Variants in FCRL3 observed in about 807,000 individuals in gnomAD.
FCRL3 encodes the protein Fc receptor like 3.
In FCRL3, 89 loss-of-function variants were observed where a neutral mutation model predicts 75.0. That is an observed-to-expected ratio of 1.19 (90% CI 1.00 to 1.42). The LOEUF is 1.42. Ranked by LOEUF, FCRL3 falls within the 40% of genes most tolerant of loss-of-function variation. The pLI, the probability that FCRL3 is intolerant of heterozygous loss-of-function variation, is 0.00. For missense variants in FCRL3, 946 were observed against 880.0 expected, an observed-to-expected ratio of 1.07 and a Z score of -0.95; for synonymous variants, 376 against 348.5, an observed-to-expected ratio of 1.08 and a Z score of -0.88.
In FCRL3 at chr1:157,700,485, A is replaced by C; in HGVS notation, c.5T>G (p.Leu2Arg). M[L>R]LWLLLLILTP... ...CAGGATCAGCAGCAGCAGCCACAGA[A>C]GCATGGGCACCGGCCGGGCAGAGGG... Residue 2 changes from leucine to arginine, a missense_variant, in exon 2 of 15, where the codon CTT (leucine) becomes CGT (arginine). Physicochemically the swap from Leu to Arg is moderately radical, Grantham distance 102 (BLOSUM62 -2). Coordinates refer to ENST00000368184, the MANE Select transcript of FCRL3 (RefSeq NM_052939.4). The C allele has an allele frequency of 1.2e-6, 2 of 1,614,076 alleles. No homozygotes were observed. The highest frequency in any genetic ancestry group is 2.2e-5 in the South Asian group (2 of 91,072).
chr1:157,685,488 G>A (rs1328627807), intron 10 of FCRL3, among the ~76,000 whole-genome samples: 1 of 152,092 alleles, frequency 6.6e-6, no homozygotes, highest in Non-Finnish European at 1.5e-5. Context: ...AATAGTGGGA[G>A]ATTTCAATAT....
chr1:157,680,479 A>G (rs1395133023), intron 13 of FCRL3, among the ~76,000 whole-genome samples: 1 of 152,268 alleles, frequency 6.6e-6, no homozygotes, highest in Non-Finnish European at 1.5e-5. Context: ...CTGTGAATAC[A>G]TTAGTGAAAA....
chr1:157,697,318 G>C lies in FCRL3; in HGVS notation c.666C>G (p.Val222=), dbSNP rs757788314. 4 of 1,612,654 alleles carry C rather than the reference G, an allele frequency of 2.5e-6. 1 individual carries two copies. Among genetic ancestry groups the C allele is most frequent in the Non-Finnish European group, 3.4e-6 (4 of 1,179,146 alleles). ...ETQLSPQRPD[V]QLQFSLFRDS... is the part of the protein sequence containing the mutation. ...CTCTGAAGAGGGAGAATTGCAGCTG[G>C]ACATCTGGCCTCTGTGGAGAGAGCT... The change falls in exon 6 of 15, where the codon GTC becomes GTG. Residue 222 remains valine, a synonymous_variant. Coordinates refer to ENST00000368184, the MANE Select transcript of FCRL3 (RefSeq NM_052939.4).
In FCRL3 at chr1:157,697,223, T is replaced by C; in HGVS notation, c.761A>G (p.Asp254Gly). 3 of 1,595,394 alleles carry C rather than the reference T, an allele frequency of 1.9e-6. No individual in the cohort carries two copies. The highest frequency in any genetic ancestry group is 2.6e-6 in the Non-Finnish European group (3 of 1,170,204). ...RLQIPAMWTE[D>G]SGSYWCEVET... is the part of the protein sequence containing the mutation. ...CACCTCACACCAGTAAGACCCTGAGTCTTCAGTCCACATGGCAGGGATCTG... is the reference window on the plus strand; with the variant it reads ...CACCTCACACCAGTAAGACCCTGAGCCTTCAGTCCACATGGCAGGGATCTG... The change falls in exon 6 of 15, where the codon GAC becomes GGC. Residue 254 changes from aspartate to glycine, a missense_variant. Physicochemically the swap from Asp to Gly is moderately conservative, Grantham distance 94. Transcript: ENST00000368184.
rs1163767593 is a variant in FCRL3 at position 157,681,069 on chromosome 1, G to A, written c.1869C>T (p.Ser623=). 1.9e-6 allele frequency: 3 copies of A among 1,601,148 alleles called. No homozygotes were observed. The highest frequency in any genetic ancestry group is 2.6e-6 in the Non-Finnish European group (3 of 1,175,968). The part of the protein sequence containing the change: ...SHSPSECQEP[S]SSRPSRIDPQ... Reference sequence around the variant, plus strand: ...GGTCTATCCTGGAAGGCCTGGACGAGGAAGGCTCCTGACACTCACTAGGAC... The same window carrying A: ...GGTCTATCCTGGAAGGCCTGGACGAAGAAGGCTCCTGACACTCACTAGGAC... Residue 623 remains serine (S), a synonymous_variant, in exon 12 of 15, where the codon TCC becomes TCT. Coordinates refer to ENST00000368184, the MANE Select transcript of FCRL3 (RefSeq NM_052939.4).
At chr1:157,683,755 A>G (rs1654995830) in intron 10 of FCRL3, among the ~76,000 whole-genome samples, 1 of 152,100 alleles carries the variant, frequency 6.6e-6, no homozygotes, top group African/African-American at 2.4e-5. Flanking sequence ...TGAACTGCAA[A>G]TCATGTGGGT....
Position 157,698,433 on chromosome 1 carries a change from C to T in FCRL3, c.249G>A (p.Lys83=). The change falls in exon 4 of 15, where the codon AAG becomes AAA. Residue 83 remains lysine (K), a synonymous_variant. Transcript: ENST00000368184. ...QITEPGNYQC[K]TRGSSLSDAV... ...CATCACTGAGGGAGGATCCTCGGGT[C>T]TTACATTGGTAATTTCCAGGCTCTG... 1.2e-6 allele frequency: 2 copies of T among 1,614,232 alleles called. No individual in the cohort carries two copies. Among genetic ancestry groups the T allele is most frequent in the East Asian group, 2.2e-5 (1 of 44,892 alleles).
rs529656970 is a variant in FCRL3, at chr1:157,688,566, C to T, written c.1810+1232G>A. On this transcript the variant is annotated intron_variant, in intron 10 of 14. Transcript: ENST00000368184. ...GTAAGGATATAGAGGAATTGAGAAA[C>T]ATTATCAATCAAATTCACTGGCAGG... is the stretch of plus-strand genomic sequence containing the variant. 4.1e-5 allele frequency among the ~76,000 whole-genome samples: 6 copies of T among 147,650 alleles called. No homozygotes were observed. In the South Asian group the frequency reaches 1.1e-3, roughly 26 times the overall value.
At chr1:157,679,688 G>A (rs1654697738) in intron 13 of FCRL3, among the ~76,000 whole-genome samples, 1 of 151,502 alleles carries the variant, frequency 6.6e-6, no homozygotes, top group Non-Finnish European at 1.5e-5. Context: ...ATTTAGCTGG[G>A]CATGGTGATG....
rs11805944 is a variant in FCRL3 at position 157,678,365 on chromosome 1, A to G, written c.*345T>C. The G allele has an allele frequency of 0.064, 70,127 of 1,092,384 alleles. 3,267 individuals are homozygous for G. Among genetic ancestry groups the G allele is most frequent in the African/African-American group, 0.22 (13,763 of 61,342 alleles). The allele number at this position is 1,092,384 out of a possible 1,614,324, so 67.7% of individuals were successfully genotyped here. ...ACAGAGAGCACATTAACAGCTTTCG[A>G]TCACACTTGGATCAAATGGTCATGA... On this transcript the variant is annotated 3_prime_UTR_variant, in exon 15 of 15. Coordinates refer to ENST00000368184, the MANE Select transcript of FCRL3 (RefSeq NM_052939.4).
rs1654503090 is a variant in FCRL3 at position 157,677,024 on chromosome 1, A to G, written c.*1686T>C. On this transcript the variant is annotated 3_prime_UTR_variant, in exon 15 of 15. Transcript: ENST00000368184. ...CCTCTTCAAGGGACCTTAAAATTTTAATGCCAATATGAACATGAACTGGCA... is the reference window on the plus strand; with the variant it reads ...CCTCTTCAAGGGACCTTAAAATTTTGATGCCAATATGAACATGAACTGGCA... 7.9e-7 allele frequency: 1 copy of G among 1,266,070 alleles called. No homozygotes were observed. The highest frequency in any genetic ancestry group is 1.0e-6 in the Non-Finnish European group (1 of 994,146). The allele number at this position is 1,266,070 out of a possible 1,614,324, so 78.4% of individuals were successfully genotyped here.
chr1:157,696,063 G>T lies in FCRL3; in HGVS notation c.1109C>A (p.Thr370Lys). ...ADNVHSPILS[T>K]WIRVTVRIPV... is the part of the protein sequence containing the mutation. Reference sequence around the variant, plus strand: ...ACTTCTCACGGTGACTCGAATCCACGTGCTGAGGATGGGGCTGTGAACGTT... The same window carrying T: ...ACTTCTCACGGTGACTCGAATCCACTTGCTGAGGATGGGGCTGTGAACGTT... The change falls in exon 7 of 15, where the codon ACG becomes AAG. Residue 370 changes from threonine (T) to lysine (K), a missense_variant. Coordinates refer to ENST00000368184, the MANE Select transcript of FCRL3 (RefSeq NM_052939.4). 6.2e-7 allele frequency: 1 copy of T among 1,611,226 alleles called. No individual in the cohort carries two copies. Among genetic ancestry groups the T allele is most frequent in the Non-Finnish European group, 8.5e-7 (1 of 1,178,780 alleles).
intron 10 of FCRL3, among the ~76,000 whole-genome samples, chr1:157,686,218 T>G (rs1048446167): frequency 6.6e-6 from 1 of 151,456 alleles, no homozygotes; most frequent in Non-Finnish European, 1.5e-5. Flanking sequence ...ATGAAATACC[T>G]AGGAATACAG....
intron 8 of FCRL3, among the ~76,000 whole-genome samples, chr1:157,691,599 A>C (rs977954642): frequency 3.9e-5 from 6 of 152,212 alleles, no homozygotes; most frequent in Non-Finnish European, 7.4e-5. Context: ...AGTTCCTGCT[A>C]AATTGAAACA....
chr1:157,683,356 A>G, intron 10 of FCRL3, 112 bp from the exon 11 acceptor site: 6 of 1,329,066 alleles, frequency 4.5e-6, no homozygotes, highest in Non-Finnish European at 2.1e-6. Context: ...AAGCTACGGA[A>G]AAACTCAAGG....
chr1:157,677,120 C>A lies in FCRL3; in HGVS notation c.*1590G>T. On this transcript the variant is annotated 3_prime_UTR_variant, in exon 15 of 15. Coordinates refer to ENST00000368184, the MANE Select transcript of FCRL3 (RefSeq NM_052939.4). ...AAGGCCAGGATAAGGGTAACAGAGG[C>A]CAGTGGGAGCAGTGTGGATTGATCA... 1 of 1,069,360 alleles carries A rather than the reference C, an allele frequency of 9.4e-7. No individual in the cohort carries two copies. Among genetic ancestry groups the A allele is most frequent in the Non-Finnish European group, 1.1e-6 (1 of 877,524 alleles). The allele number at this position is 1,069,360 out of a possible 1,614,324, so 66.2% of individuals were successfully genotyped here. A position where few individuals can be genotyped will look rare whatever the true frequency, so the allele number is the denominator to read the frequency against.
In FCRL3 at chr1:157,697,275, A is replaced by C; in HGVS notation, c.709T>G (p.Leu237Val). The C allele has an allele frequency of 1.2e-6, 2 of 1,612,556 alleles. No individual in the cohort carries two copies. The highest frequency in any genetic ancestry group is 1.7e-6 in the Non-Finnish European group (2 of 1,179,096). The change falls in exon 6 of 15, where the codon TTG (leucine) becomes GTG (valine). Residue 237 changes from leucine (L) to valine (V), a missense_variant. By Grantham distance (32) the Leu-to-Val change is conservative (BLOSUM62 1). Coordinates refer to ENST00000368184, the MANE Select transcript of FCRL3 (RefSeq NM_052939.4). ...AGTCTGGGGGACCTGCTCCAGCCCAATCCGAGGGTCTGGCTATCTCTGAAG... is the reference window on the plus strand; with the variant it reads ...AGTCTGGGGGACCTGCTCCAGCCCACTCCGAGGGTCTGGCTATCTCTGAAG... The part of the protein sequence containing the change: ...SLFRDSQTLG[L>V]GWSRSPRLQI...
At chr1:157,692,226 T>C (rs1655590455) in intron 8 of FCRL3, among the ~76,000 whole-genome samples, 1 of 152,132 alleles carries the variant, frequency 6.6e-6, no homozygotes, top group South Asian at 2.1e-4. Flanking sequence ...TATTTTTTAA[T>C]TTAATTTCTG....
Position 157,697,393 on chromosome 1 carries a change from G to A in FCRL3, c.591C>T (p.Ser197=), listed in dbSNP as rs751897935. ...ELFLHPVLRA[S]SSTPIEGSPM... ...GACTCCCCTCTATGGGCGTGGAAGAGCTGGCTCTCAGCACAGGATGTAGAA... is the reference window on the plus strand; with the variant it reads ...GACTCCCCTCTATGGGCGTGGAAGAACTGGCTCTCAGCACAGGATGTAGAA... Residue 197 remains serine (S), a synonymous_variant, in exon 6 of 15, where the codon AGC becomes AGT. Transcript: ENST00000368184. The A allele has an allele frequency of 6.4e-7, 1 of 1,560,486 alleles. No individual in the cohort carries two copies. Among genetic ancestry groups the A allele is most frequent in the Non-Finnish European group, 8.6e-7 (1 of 1,157,628 alleles).
Sources: allele counts gnomAD v4.1 joint callset (sites outside exome capture counted in the v4.1 genomes callset), GRCh38; gene constraint gnomAD v4.1.1; transcripts MANE v1.5; gene names NCBI Gene and HGNC (gene_info 2026-07-23, HGNC 2026-07-21).